TRHDE: variants seen among roughly 807,000 people sequenced by gnomAD.
The protein encoded by TRHDE is thyrotropin-releasing hormone-degrading ectoenzyme.
A neutral mutation model predicts 125.7 loss-of-function variants in TRHDE; 72 were observed. The ratio of observed to expected loss-of-function variants is 0.57; its 90% confidence interval spans 0.47 to 0.70. The LOEUF (loss-of-function observed/expected upper bound fraction) is 0.70, where lower values mean the gene tolerates loss of function less well. TRHDE is among the 30% of genes least tolerant of loss of function. The pLI, the probability that TRHDE is intolerant of heterozygous loss-of-function variation, is 0.00. For missense variants in TRHDE, 1,110 were observed against 1,327.1 expected, an observed-to-expected ratio of 0.84 and a Z score of 2.54; for synonymous variants, 509 against 509.1, an observed-to-expected ratio of 1.00 and a Z score of 0.00.
At position 72,664,407 on chromosome 12, in the gene TRHDE, T is replaced by G. The variant is rs1359613526; in HGVS notation, c.*1212T>G. The G allele has an allele frequency of 2.0e-5, 3 of 152,536 alleles. No homozygotes were observed. Among genetic ancestry groups the G allele is most frequent in the South Asian group, 2.1e-4 (1 of 4,830 alleles). 9.4% of individuals were successfully genotyped at this position (152,536 alleles called of 1,614,324 possible). On this transcript the variant is annotated 3_prime_UTR_variant, in exon 19 of 19. Transcript: ENST00000261180. ...TCTATTAGCATTTAATGACCTTTTG[T>G]GCCAGTTGTGCCATCCCTTAAGATG...
intron 1 of TRHDE, chr12:72,274,512 TA>T (rs1879407122): frequency 6.6e-6 from 1 of 152,218 alleles, no homozygotes; most frequent in African/African-American, 2.4e-5. Flanking sequence ...GGAAGGTAAT[TA>T]ACCTTTTCCT....
intron 2 of TRHDE, among the ~76,000 whole-genome samples, chr12:72,158,692 G>A (rs1463593251): frequency 6.6e-6 from 1 of 152,018 alleles, no homozygotes; most frequent in Non-Finnish European, 1.5e-5. Context: ...CAGATGTCAG[G>A]TTTTCTTTCA....
intron 15 of TRHDE, among the ~76,000 whole-genome samples, chr12:72,635,947 G>T (rs1284529175): frequency 3.3e-5 from 5 of 151,974 alleles, no homozygotes; most frequent in Non-Finnish European, 7.4e-5. Flanking sequence ...GATGCCTCCA[G>T]CTTTGTTCTT....
Position 72,530,974 on chromosome 12 carries a change from A to C in TRHDE, c.1723-11317A>C, listed in dbSNP as rs1308468697. Among the ~76,000 whole-genome samples, 3 of 152,236 alleles carry C rather than the reference A, an allele frequency of 2.0e-5. No homozygotes were observed. In the East Asian group the frequency reaches 5.8e-4, roughly 29 times the overall value. On this transcript the variant is annotated intron_variant, in intron 6 of 18. Coordinates refer to ENST00000261180, the MANE Select transcript of TRHDE (RefSeq NM_013381.3). ...ACCCTATCAAAGTGCCTTACACAGC[A>C]GGCACTCAATAATTGTTTGTTAAAT...
chr12:72,193,823 G>GATA (rs1176264848), intron 2 of TRHDE, among the ~76,000 whole-genome samples: 1 of 152,050 alleles, frequency 6.6e-6, no homozygotes, highest in African/African-American at 2.4e-5. Flanking sequence ...TTCCATTTTG[G>GATA]ATAATAATTT....
At chr12:72,604,409 A>C (rs1322885397) in intron 12 of TRHDE, among the ~76,000 whole-genome samples, 2 of 150,502 alleles carry the variant, frequency 1.3e-5, no homozygotes, top group African/African-American at 4.9e-5. Context: ...TCACTTTATC[A>C]TCTTTTCTCT....
At chr12:72,461,232 G>A (rs932388153) in intron 3 of TRHDE, among the ~76,000 whole-genome samples, 1 of 152,094 alleles carries the variant, frequency 6.6e-6, no homozygotes, top group African/African-American at 2.4e-5. Context: ...AAGACCATCA[G>A]GAGAAAAATG....
At chr12:72,364,065 G>T (rs1222330347) in intron 2 of TRHDE, among the ~76,000 whole-genome samples, 2 of 152,010 alleles carry the variant, frequency 1.3e-5, no homozygotes, top group Non-Finnish European at 2.9e-5. Flanking sequence ...AACTTACAAG[G>T]GACGTGAAGG....
At chr12:72,501,591 G>T (rs1016319796) in intron 6 of TRHDE, among the ~76,000 whole-genome samples, 4 of 151,946 alleles carry the variant, frequency 2.6e-5, no homozygotes, top group African/African-American at 9.6e-5. Flanking sequence ...GATTCAATTT[G>T]CTAAAAAAAT....
intron 12 of TRHDE, among the ~76,000 whole-genome samples, chr12:72,601,609 C>T (rs778768330): frequency 1.6e-4 from 24 of 152,074 alleles, no homozygotes; most frequent in Non-Finnish European, 2.9e-4. Context: ...GTGATTGTTG[C>T]CTTATTTTAA....
chr12:72,190,389 G>A (rs540006077), intron 2 of TRHDE, among the ~76,000 whole-genome samples: 1 of 152,332 alleles, frequency 6.6e-6, no homozygotes, highest in Non-Finnish European at 1.5e-5. Flanking sequence ...CAGGGAGGAG[G>A]TGTGCCTAGA....
intron 2 of TRHDE, among the ~76,000 whole-genome samples, chr12:72,328,243 A>T (rs1256749253): frequency 6.6e-6 from 1 of 152,176 alleles, no homozygotes; most frequent in Non-Finnish European, 1.5e-5. Flanking sequence ...TCCCCTTGAT[A>T]GGGTGGGCTA....
Position 72,670,538 on chromosome 12 carries a change from GT to G in TRHDE, c.*7350del, listed in dbSNP as rs908209389. 6.6e-6 allele frequency: 1 copy of G among 151,236 alleles called. No homozygotes were observed. Among genetic ancestry groups the G allele is most frequent in the Non-Finnish European group, 1.5e-5 (1 of 67,674 alleles). The allele number at this position is 151,236 out of a possible 1,614,324, so 9.4% of individuals were successfully genotyped here. A position where few individuals can be genotyped will look rare whatever the true frequency, so the allele number is the denominator to read the frequency against. On this transcript the variant is annotated 3_prime_UTR_variant, in exon 19 of 19. Transcript: ENST00000261180. Reference sequence around the variant, plus strand: ...AAGGCCAAAATAAATAATACCATCTGTTTTTTTCACTTGAAAATACATTTTT... The same window carrying G: ...AAGGCCAAAATAAATAATACCATCTGTTTTTTCACTTGAAAATACATTTTT...
rs547481851 is a variant in TRHDE at position 72,355,535 on chromosome 12, A to T, written c.1189-22460A>T. 2.0e-5 allele frequency among the ~76,000 whole-genome samples: 3 copies of T among 151,926 alleles called. No individual in the cohort carries two copies. The East Asian group carries it at 5.8e-4, about 30-fold the overall frequency. On this transcript the variant is annotated intron_variant, in intron 2 of 18. Transcript: ENST00000261180. ...ACAAAGACACCAAAACAATCACCAC[A>T]AAAGCAAAAATTGACAAATGGGAAC...
chr12:72,409,043 C>G (rs578244269), intron 3 of TRHDE, among the ~76,000 whole-genome samples: 1 of 152,156 alleles, frequency 6.6e-6, no homozygotes, highest in Admixed American at 6.5e-5. Flanking sequence ...AGATGCCCAA[C>G]AAATCTCAAG....
chr12:72,344,774 C>A (rs1256990851), intron 2 of TRHDE, among the ~76,000 whole-genome samples: 1 of 152,080 alleles, frequency 6.6e-6, no homozygotes, highest in Admixed American at 6.6e-5. Flanking sequence ...CTGCTGCCAA[C>A]CCTCTTGTCT....
At chr12:72,303,778 G>A (rs1868296458) in intron 2 of TRHDE, among the ~76,000 whole-genome samples, 1 of 152,096 alleles carries the variant, frequency 6.6e-6, no homozygotes, top group Non-Finnish European at 1.5e-5. Context: ...ATACCTAGCT[G>A]CAGACTATGT....
intron 2 of TRHDE, among the ~76,000 whole-genome samples, chr12:72,261,824 T>C (rs1878957053): frequency 6.6e-6 from 1 of 152,318 alleles, no homozygotes; most frequent in South Asian, 2.1e-4. Flanking sequence ...AAATTCAAAG[T>C]GCTTTTCCAT....
rs1352890840 is a variant in TRHDE, at chr12:72,558,211, C to CTATT, written c.1789-3953_1789-3950dup. Among the ~76,000 whole-genome samples, 3 of 151,984 alleles carry CTATT rather than the reference C, an allele frequency of 2.0e-5. No individual in the cohort carries two copies. The East Asian group carries it at 5.8e-4, about 29-fold the overall frequency. ...CACCTATGACACAGTGGGATAAATG[C>CTATT]TATTATATAGAACATTGTGTGACAA... is the stretch of plus-strand genomic sequence containing the variant. On this transcript the variant is annotated intron_variant, in intron 7 of 18. Transcript: ENST00000261180.
Sources: allele counts gnomAD v4.1 joint callset (sites outside exome capture counted in the v4.1 genomes callset), GRCh38; gene constraint gnomAD v4.1.1; transcripts MANE v1.5; gene names NCBI Gene and HGNC (gene_info 2026-07-23, HGNC 2026-07-21).